Variants in PHKG2 observed in about 807,000 individuals in gnomAD.
PHKG2 encodes the protein phosphorylase b kinase gamma catalytic chain, liver/testis isoform.
A neutral mutation model predicts 44.5 loss-of-function variants in PHKG2; 28 were observed. The ratio of observed to expected loss-of-function variants is 0.63; its 90% confidence interval spans 0.47 to 0.86. The LOEUF is 0.86. Ranked by LOEUF, PHKG2 falls within the 40% of genes least tolerant of loss-of-function variation. PHKG2 has a pLI of 0.00. For synonymous variants in PHKG2, 220 were observed against 211.2 expected (o/e 1.04, Z -0.36); for missense variants, 498 against 547.5 (o/e 0.91, Z 0.90).
chr16:30,751,663 C>T, intron 4 of PHKG2, 60 bp downstream of exon 4: 5 of 1,381,432 alleles, frequency 3.6e-6, no homozygotes, highest in Non-Finnish European at 5.2e-6. Context: ...TATGGCCCAG[C>T]ATTTGTGGTG....
chr16:30,757,799 G>A lies in PHKG2; in HGVS notation c.*702G>A. The A allele has an allele frequency of 7.0e-7, 1 of 1,422,972 alleles. No homozygotes were observed. Among genetic ancestry groups the A allele is most frequent in the Non-Finnish European group, 9.2e-7 (1 of 1,092,786 alleles). 88.1% of individuals were successfully genotyped at this position (1,422,972 alleles called of 1,614,324 possible). A position where few individuals can be genotyped will look rare whatever the true frequency, so the allele number is the denominator to read the frequency against. On this transcript the variant is annotated 3_prime_UTR_variant, in exon 10 of 10. Transcript: ENST00000563588. Reference sequence around the variant, plus strand: ...TGTTGTTTCCCTTTAGGAAATGTTAGCAAGCCCTTGTGTGAGAGGTAGTTG... The same window carrying A: ...TGTTGTTTCCCTTTAGGAAATGTTAACAAGCCCTTGTGTGAGAGGTAGTTG...
rs797012735 is a variant in PHKG2, at chr16:30,749,234, GTGGTGGTGCTGGTGC to G, written c.95+334_95+348del. ...GTGTGTGTGTGTGTGTCTTTCGGTGGTGGTGGTGCTGGTGCTGGTGGTGCTGGTGGTGGTGGTGTG... is the reference window on the plus strand; with the variant it reads ...GTGTGTGTGTGTGTGTCTTTCGGTGGTGGTGGTGCTGGTGGTGGTGGTGTG... On this transcript the variant is annotated intron_variant, in intron 2 of 9. Transcript: ENST00000563588. Among the ~76,000 whole-genome samples, 177 of 144,676 alleles carry G rather than the reference GTGGTGGTGCTGGTGC, an allele frequency of 1.2e-3. 1 individual carries two copies. Among genetic ancestry groups the G allele is most frequent in the African/African-American group, 4.4e-3 (170 of 38,364 alleles). 94.9% of individuals were successfully genotyped at this position (144,676 alleles called of 152,430 possible).
chr16:30,760,358 C>T lies in PHKG2; in HGVS notation c.*3261C>T, dbSNP rs781108578. 2.8e-5 allele frequency: 46 copies of T among 1,614,200 alleles called. 1 individual carries two copies. The highest frequency in any genetic ancestry group is 2.5e-4 in the African/African-American group (19 of 75,048). The stretch of plus-strand genomic sequence containing the variant: ...CTGCTCCAGTGAGAAGCCCTGCTGG[C>T]GGCAGAAAATGAGCGCGTGGCAGAA... On this transcript the variant is annotated 3_prime_UTR_variant, in exon 10 of 10. Transcript: ENST00000563588.
In PHKG2 at chr16:30,757,410, G is replaced by A; in HGVS notation, c.*313G>A. On this transcript the variant is annotated 3_prime_UTR_variant, in exon 10 of 10. Transcript: ENST00000563588. ...TGGCTTGGGCAGGAAAGCCCAGAAGGTGCTCAGCAGGGTGCAGGGATGGTG... is the reference window on the plus strand; with the variant it reads ...TGGCTTGGGCAGGAAAGCCCAGAAGATGCTCAGCAGGGTGCAGGGATGGTG... 6 of 1,559,650 alleles carry A rather than the reference G, an allele frequency of 3.8e-6. No individual in the cohort carries two copies. Among genetic ancestry groups the A allele is most frequent in the Non-Finnish European group, 5.2e-6 (6 of 1,151,892 alleles).
In PHKG2 at chr16:30,756,861, C is replaced by T. The variant is rs367711698; in HGVS notation, c.985C>T (p.Arg329Trp). The change falls in exon 10 of 10, where the codon CGG becomes TGG. Residue 329 changes from arginine to tryptophan, a missense_variant. Physicochemically the swap from Arg to Trp is moderately radical, Grantham distance 101 (BLOSUM62 -3). Coordinates refer to ENST00000563588, the MANE Select transcript of PHKG2 (RefSeq NM_000294.3). ...GRVALSTHRV[R>W]PLTKNALLRD... ...AGTGGCCCTAAGCACCCATCGTGTA[C>T]GGCCACTGACCAAGAATGCACTGTT... 100 of 1,614,102 alleles carry T rather than the reference C, an allele frequency of 6.2e-5. 1 individual carries two copies. In the African/African-American group the frequency reaches 8.8e-4, roughly 14 times the overall value.
rs761133096 is a variant in PHKG2 at position 30,760,255 on chromosome 16, G to A, written c.*3158G>A. ...AGGCCCGGTTCCTCTTCTCCCTGGG[G>A]CTCAAACCTGGTAGCTGCCCCCTCT... On this transcript the variant is annotated 3_prime_UTR_variant, in exon 10 of 10. Transcript: ENST00000563588. The A allele has an allele frequency of 6.2e-7, 1 of 1,613,920 alleles. No individual in the cohort carries two copies. Among genetic ancestry groups the A allele is most frequent in the Non-Finnish European group, 8.5e-7 (1 of 1,180,022 alleles).
In PHKG2 at chr16:30,748,841, G is replaced by C. The variant is rs200427925; in HGVS notation, c.21G>C (p.Pro7=). The C allele has an allele frequency of 4.3e-5, 66 of 1,552,750 alleles. No homozygotes were observed. The South Asian group carries it at 6.2e-4, about 15-fold the overall frequency. The change falls in exon 2 of 10, where the codon CCG becomes CCC. Residue 7 remains proline (P), a synonymous_variant. Coordinates refer to ENST00000563588, the MANE Select transcript of PHKG2 (RefSeq NM_000294.3). ...TCAGGATGACGCTGGACGTGGGGCC[G>C]GAGGATGAGCTGCCCGACTGGGCCG... MTLDVG[P]EDELPDWAAA... is the part of the protein sequence containing the mutation.
rs2053721534 is a variant in PHKG2 at position 30,760,841 on chromosome 16, A to G, written c.*3744A>G. ...CTCTGGGCCTAAATGAACTCTTATG[A>G]GCCTCTCCATTTCTAAAGCCTAGGG... On this transcript the variant is annotated 3_prime_UTR_variant, in exon 10 of 10. Transcript: ENST00000563588. 1.5e-6 allele frequency: 1 copy of G among 650,188 alleles called. No homozygotes were observed. The highest frequency in any genetic ancestry group is 1.8e-5 in the African/African-American group (1 of 55,246). 40.3% of individuals were successfully genotyped at this position (650,188 alleles called of 1,614,324 possible).
At chr16:30,748,593 A>C in intron 1 of PHKG2, 103 bp downstream of exon 1, 72 of 459,058 alleles carry the variant, frequency 1.6e-4, no homozygotes, top group Non-Finnish European at 1.6e-4. Flanking sequence ...CCTCCTGGGC[A>C]CATCTCCCCA....
chr16:30,757,241 C>A lies in PHKG2; in HGVS notation c.*144C>A. Reference sequence around the variant, plus strand: ...TTGAAGACCAGCCCGGTACCTCTCTCCCCACTGGCCAGGACTCTGAGATCA... The same window carrying A: ...TTGAAGACCAGCCCGGTACCTCTCTACCCACTGGCCAGGACTCTGAGATCA... On this transcript the variant is annotated 3_prime_UTR_variant, in exon 10 of 10. Coordinates refer to ENST00000563588, the MANE Select transcript of PHKG2 (RefSeq NM_000294.3). 1 of 1,571,518 alleles carries A rather than the reference C, an allele frequency of 6.4e-7. No homozygotes were observed. Among genetic ancestry groups the A allele is most frequent in the Admixed American group, 1.8e-5 (1 of 55,632 alleles).
chr16:30,760,276 CCT>C lies in PHKG2; in HGVS notation c.*3183_*3184del. On this transcript the variant is annotated 3_prime_UTR_variant, in exon 10 of 10. Coordinates refer to ENST00000563588, the MANE Select transcript of PHKG2 (RefSeq NM_000294.3). ...TGGGGCTCAAACCTGGTAGCTGCCC[CCT>C]CTCACCAATACAAGCCTTGTGAAGA... is the stretch of plus-strand genomic sequence containing the variant. The C allele has an allele frequency of 6.2e-7, 1 of 1,614,192 alleles. No homozygotes were observed.
Position 30,758,838 on chromosome 16 carries a change from C to G in PHKG2, c.*1741C>G. ...TGCTGGGATTACAGGTGTGAGCCAC[C>G]ACGCCTGGCCTGCAGCTGTGCTTTT... On this transcript the variant is annotated 3_prime_UTR_variant, in exon 10 of 10. Transcript: ENST00000563588. The G allele has an allele frequency of 2.6e-6, 3 of 1,156,574 alleles. No homozygotes were observed. The highest frequency in any genetic ancestry group is 3.6e-6 in the Non-Finnish European group (3 of 842,978). 71.6% of individuals were successfully genotyped at this position (1,156,574 alleles called of 1,614,324 possible).
At chr16:30,748,699 C>T in intron 1 of PHKG2, 104 bp from the exon 2 acceptor site, 1 of 493,096 alleles carries the variant, frequency 2.0e-6, no homozygotes, top group South Asian at 2.0e-5. Context: ...CCCCCCAGGA[C>T]CCTGGCGCCC....
chr16:30,754,825 C>A (rs1428386524), intron 6 of PHKG2: 2 of 455,058 alleles, frequency 4.4e-6, no homozygotes, highest in Non-Finnish European at 8.8e-6. Flanking sequence ...CTCCCATCTT[C>A]TTCATTCACA....
intron 1 of PHKG2, 94 bp downstream of exon 1, chr16:30,748,584 C>T (rs1234375631): frequency 8.6e-6 from 5 of 580,892 alleles, no homozygotes; most frequent in South Asian, 2.1e-5. Context: ...TTCCCCCTGC[C>T]TCCTGGGCAC....
In PHKG2 at chr16:30,756,296, C is replaced by T. The variant is rs577221065; in HGVS notation, c.647+24C>T. On this transcript the variant is annotated intron_variant, in intron 7 of 9. Coordinates refer to ENST00000563588, the MANE Select transcript of PHKG2 (RefSeq NM_000294.3). Reference sequence around the variant, plus strand: ...CTGTGAGTTCCTGGTCTCCCCCTCCCTCCCGTGCTTGCTGTCCTTTGCTGG... The same window carrying T: ...CTGTGAGTTCCTGGTCTCCCCCTCCTTCCCGTGCTTGCTGTCCTTTGCTGG... 9.3e-6 allele frequency: 15 copies of T among 1,614,034 alleles called. No individual in the cohort carries two copies. In the African/African-American group the frequency reaches 1.6e-4, roughly 17 times the overall value.
chr16:30,748,572 C>A (rs1192162663), intron 1 of PHKG2, 82 bp downstream of exon 1: 2 of 562,222 alleles, frequency 3.6e-6, no homozygotes, highest in Admixed American at 3.2e-5. Flanking sequence ...CCCTTGCGCC[C>A]CTTCCCCCTG....
In PHKG2 at chr16:30,759,556, G is replaced by T; in HGVS notation, c.*2459G>T. The T allele has an allele frequency of 6.2e-7, 1 of 1,614,134 alleles. No homozygotes were observed. The highest frequency in any genetic ancestry group is 1.1e-5 in the South Asian group (1 of 91,076). ...ACAGGAGCAAGGAGAGCCCACTGGG[G>T]TCTTCACAAGAAGATAAGGGTGATG... On this transcript the variant is annotated 3_prime_UTR_variant, in exon 10 of 10. Transcript: ENST00000563588.
In PHKG2 at chr16:30,760,713, A is replaced by G; in HGVS notation, c.*3616A>G. The G allele has an allele frequency of 1.3e-6, 2 of 1,531,342 alleles. No individual in the cohort carries two copies. Among genetic ancestry groups the G allele is most frequent in the Non-Finnish European group, 8.9e-7 (1 of 1,128,674 alleles). 94.9% of individuals were successfully genotyped at this position (1,531,342 alleles called of 1,614,324 possible). A position where few individuals can be genotyped will look rare whatever the true frequency, so the allele number is the denominator to read the frequency against. ...AGAGTATTGGTGGCCGTTACCTATC[A>G]TGACAAGGCTGTGACAGCTAGTGCG... On this transcript the variant is annotated 3_prime_UTR_variant, in exon 10 of 10. Transcript: ENST00000563588.
Sources: gnomAD v4.1 joint callset for allele counts (sites outside exome capture counted in the v4.1 genomes callset) on GRCh38, gnomAD v4.1.1 for gene constraint, MANE v1.5 for transcripts, NCBI Gene and HGNC (gene_info 2026-07-23, HGNC 2026-07-21) for gene names.